Variants in NRP1 observed in about 807,000 individuals in gnomAD.
NRP1 encodes neuropilin 1, also known as neuropilin-1.
In NRP1, 35 loss-of-function variants were observed where a neutral mutation model predicts 106.7. The observed-to-expected ratio is 0.33, with a 90% confidence interval of 0.25 to 0.43. NRP1 has a LOEUF of 0.43. NRP1 is among the 20% of genes least tolerant of loss of function. The pLI is 1.00. For missense variants in NRP1, 1,024 were observed against 1,170.4 expected (o/e 0.87, Z 1.83); for synonymous variants, 437 against 417.9 (o/e 1.05, Z -0.56).
At chr10:33,327,341 A>G (rs976000621) in intron 2 of NRP1, among the ~76,000 whole-genome samples, 3 of 152,158 alleles carry the variant, frequency 2.0e-5, no homozygotes, top group Non-Finnish European at 4.4e-5. Context: ...ACTTGATCCT[A>G]CTAGTAACCC....
At chr10:33,309,539 G>T (rs1019366658) in intron 2 of NRP1, among the ~76,000 whole-genome samples, 1 of 152,192 alleles carries the variant, frequency 6.6e-6, no homozygotes, top group Admixed American at 6.5e-5. Flanking sequence ...GGTGAGCCTA[G>T]TTACTGTATC....
At chr10:33,253,293 T>C (rs1444519998) in intron 6 of NRP1, among the ~76,000 whole-genome samples, 1 of 152,062 alleles carries the variant, frequency 6.6e-6, no homozygotes, top group African/African-American at 2.4e-5. Flanking sequence ...AGGGGGTAGA[T>C]TAGACGGCTG....
At chr10:33,320,350 C>G (rs1326615605) in intron 2 of NRP1, among the ~76,000 whole-genome samples, 1 of 151,506 alleles carries the variant, frequency 6.6e-6, no homozygotes, top group Non-Finnish European at 1.5e-5. Context: ...GACCCAGTCT[C>G]TCTCCAGACA....
chr10:33,324,671 C>T (rs189139529), intron 2 of NRP1, among the ~76,000 whole-genome samples: 17 of 152,246 alleles, frequency 1.1e-4, no homozygotes, highest in African/African-American at 3.9e-4. Context: ...AGTTTTGCTC[C>T]TGTTGCCCAG....
chr10:33,220,620 G>A (rs536820386), intron 8 of NRP1, among the ~76,000 whole-genome samples: 85 of 152,276 alleles, frequency 5.6e-4, no homozygotes, highest in African/African-American at 1.9e-3. Flanking sequence ...GACAGGCTGG[G>A]CGCGGTGGCT....
In NRP1 at chr10:33,251,382, C is replaced by T. The variant is rs553735561; in HGVS notation, c.981+2646G>A. Among the ~76,000 whole-genome samples the T allele has an allele frequency of 3.9e-5, 6 of 151,940 alleles. No individual in the cohort carries two copies. The South Asian group carries it at 6.2e-4, about 16-fold the overall frequency. ...CCCAGTCTTGGGTAGTTCTTTATAG[C>T]GGTGTGAGAACAGACTAATACACTC... is the stretch of plus-strand genomic sequence containing the variant. On this transcript the variant is annotated intron_variant, in intron 6 of 16. Coordinates refer to ENST00000374867, the MANE Select transcript of NRP1 (RefSeq NM_003873.7).
At chr10:33,301,623 C>T (rs889928680) in intron 2 of NRP1, among the ~76,000 whole-genome samples, 123 of 152,082 alleles carry the variant, frequency 8.1e-4, no homozygotes, top group African/African-American at 2.9e-3. Context: ...GGCCAGTGCG[C>T]GTGACTCTCA....
At chr10:33,226,099 A>T in intron 7 of NRP1, 35 bp downstream of exon 7, 1 of 1,609,256 alleles carries the variant, frequency 6.2e-7, no homozygotes, top group Middle Eastern at 1.7e-4. Flanking sequence ...CATTTAAAAG[A>T]CCAAATTGGT....
rs748142955 is a variant in NRP1, at chr10:33,226,230, T to G, written c.1041A>C (p.Lys347Asn). The G allele has an allele frequency of 2.5e-6, 4 of 1,614,208 alleles. No individual in the cohort carries two copies. The highest frequency in any genetic ancestry group is 3.4e-6 in the Non-Finnish European group (4 of 1,180,038). ...TAVGTQGAIS[K>N]ETKKKYYVKT... ...TGACATAATATTTCTTCTTGGTTTCTTTTGAAATGGCGCCCTGTGTCCCGA... is the reference window on the plus strand; with the variant it reads ...TGACATAATATTTCTTCTTGGTTTCGTTTGAAATGGCGCCCTGTGTCCCGA... The change falls in exon 7 of 17, where the codon AAA (lysine) becomes AAC (asparagine). Residue 347 changes from lysine to asparagine, a missense_variant. By Grantham distance (94) the Lys-to-Asn change is moderately conservative. This residue lies in a region of NRP1 where 562 missense variants were observed against 620.3 expected (regional missense o/e 0.91). Coordinates refer to ENST00000374867, the MANE Select transcript of NRP1 (RefSeq NM_003873.7).
At chr10:33,223,812 AG>A (rs1480120366) in intron 7 of NRP1, among the ~76,000 whole-genome samples, 1 of 152,088 alleles carries the variant, frequency 6.6e-6, no homozygotes, top group Non-Finnish European at 1.5e-5. Context: ...CCAGGGAAGG[AG>A]GGCCGCCAAT....
intron 3 of NRP1, among the ~76,000 whole-genome samples, chr10:33,269,596 A>G (rs1305147929): frequency 6.6e-6 from 1 of 152,244 alleles, no homozygotes; most frequent in Non-Finnish European, 1.5e-5. Flanking sequence ...CAACCCTCGG[A>G]CTGCAGACTG....
rs1364837534 is a variant in NRP1 at position 33,213,599 on chromosome 10, A to C, written c.1401T>G (p.Ser467Arg). ...WMPENIRLVT[S>R]RSGWALPPAP... ...CGGGTGGAAGTGCCCAGCCAGAGCG[A>C]CTGGTTACCAGGCGGATGTTTTCAG... is the stretch of plus-strand genomic sequence containing the variant. Residue 467 changes from serine to arginine, a missense_variant, in exon 9 of 17, where the codon AGT (serine) becomes AGG (arginine). Ser to Arg is a moderately radical substitution (Grantham distance 110). Transcript: ENST00000374867. 1.2e-6 allele frequency: 2 copies of C among 1,614,024 alleles called. No individual in the cohort carries two copies.
chr10:33,287,352 G>A (rs1240378715), intron 2 of NRP1, among the ~76,000 whole-genome samples: 1 of 152,136 alleles, frequency 6.6e-6, no homozygotes, highest in Non-Finnish European at 1.5e-5. Flanking sequence ...CCATACAAAT[G>A]GTAGAAGACT....
chr10:33,273,762 G>A (rs191289602), intron 2 of NRP1, among the ~76,000 whole-genome samples: 2 of 151,492 alleles, frequency 1.3e-5, no homozygotes, highest in Admixed American at 1.3e-4. Context: ...CTAGAGGAGG[G>A]GTCAGAGAGT....
chr10:33,249,711 T>C (rs949072961), intron 6 of NRP1, among the ~76,000 whole-genome samples: 1 of 152,220 alleles, frequency 6.6e-6, no homozygotes, highest in South Asian at 2.1e-4. Context: ...GAGGAAATTT[T>C]AGTAGCTCAG....
intron 6 of NRP1, chr10:33,249,530 C>T (rs754960653): frequency 7.5e-6 from 4 of 529,864 alleles, no homozygotes; most frequent in African/African-American, 5.8e-5. Flanking sequence ...CACTGATACA[C>T]GGAGTCTGTA....
chr10:33,229,059 A>G (rs1035855567), intron 6 of NRP1, among the ~76,000 whole-genome samples: 1 of 152,246 alleles, frequency 6.6e-6, no homozygotes, highest in Non-Finnish European at 1.5e-5. Flanking sequence ...TTTAGCAAAT[A>G]AAAGTACAAA....
At chr10:33,202,556 G>A in intron 11 of NRP1, 2 of 1,405,726 alleles carry the variant, frequency 1.4e-6, no homozygotes, top group South Asian at 1.5e-5. Context: ...TAGGGGTGGT[G>A]CACGTGTTAT....
chr10:33,241,721 T>TAA (rs60012667), intron 6 of NRP1, among the ~76,000 whole-genome samples: 1 of 143,746 alleles, frequency 7.0e-6, no homozygotes, highest in African/African-American at 2.6e-5. Context: ...TTGGAAAGGC[T>TAA]AAAAAAAAAA....
Sources: allele counts gnomAD v4.1 joint callset (sites outside exome capture counted in the v4.1 genomes callset), GRCh38; gene constraint gnomAD v4.1.1; regional missense constraint gnomAD v4.1.1; transcripts MANE v1.5; gene names NCBI Gene and HGNC (gene_info 2026-07-23, HGNC 2026-07-21).